FAM78B: variants seen among roughly 807,000 people sequenced by gnomAD.
The protein encoded by FAM78B is family with sequence similarity 78 member B.
Under a neutral mutation model 20.0 loss-of-function variants are expected in FAM78B, and 10 were observed. The observed-to-expected ratio is 0.50, with a 90% CI of 0.31 to 0.85. The LOEUF is 0.85. Ranked by LOEUF, FAM78B falls within the 40% of genes least tolerant of loss-of-function variation. The pLI is 0.05. For synonymous variants in FAM78B, 135 were observed against 132.8 expected (o/e 1.02, Z -0.12); for missense variants, 283 against 345.0 (o/e 0.82, Z 1.42).
intron 1 of FAM78B, among the ~76,000 whole-genome samples, chr1:166,161,507 GGCT>G (rs1398629185): frequency 6.6e-6 from 1 of 152,188 alleles, no homozygotes; most frequent in Non-Finnish European, 1.5e-5. Context: ...ACATCACTCT[GGCT>G]GCTATGTGGG....
rs539536132 is a variant in FAM78B at position 166,151,497 on chromosome 1, A to C, written c.263+14489T>G. Reference sequence around the variant, plus strand: ...CTCTCCCTCTTAGAATAAAGCCCTAAACATTCCTGGGTTCTGATCCAGAAG... The same window carrying C: ...CTCTCCCTCTTAGAATAAAGCCCTACACATTCCTGGGTTCTGATCCAGAAG... On this transcript the variant is annotated intron_variant, in intron 1 of 1. Transcript: ENST00000354422. Among the ~76,000 whole-genome samples the C allele has an allele frequency of 4.1e-4, 62 of 152,294 alleles. No homozygotes were observed. In the South Asian group the frequency reaches 4.6e-3, roughly 11 times the overall value.
intron 1 of FAM78B, among the ~76,000 whole-genome samples, chr1:166,162,572 T>C (rs1656188655): frequency 6.6e-6 from 1 of 152,208 alleles, no homozygotes; most frequent in Non-Finnish European, 1.5e-5. Context: ...CTCTTCAGCG[T>C]TGTACTCCAG....
intron 1 of FAM78B, among the ~76,000 whole-genome samples, chr1:166,109,842 A>ATG (rs1358989273): frequency 0.043 from 1,122 of 25,806 alleles, 212 homozygotes; most frequent in African/African-American, 0.088. Flanking sequence ...GTATATATGT[A>ATG]TATATATATA....
chr1:166,101,875 C>T (rs889264136), intron 1 of FAM78B, among the ~76,000 whole-genome samples: 9 of 152,004 alleles, frequency 5.9e-5, no homozygotes, highest in Admixed American at 6.6e-5. Flanking sequence ...AAAGATACTC[C>T]TCGAGAAGAG....
chr1:166,147,540 C>T (rs908683660), intron 1 of FAM78B, among the ~76,000 whole-genome samples: 8 of 152,178 alleles, frequency 5.3e-5, no homozygotes, highest in Non-Finnish European at 1.0e-4. Flanking sequence ...ACTGCGTTCC[C>T]CGTGCTCAGA....
At chr1:166,107,744 A>T (rs1653844349) in intron 1 of FAM78B, among the ~76,000 whole-genome samples, 1 of 152,220 alleles carries the variant, frequency 6.6e-6, no homozygotes, top group South Asian at 2.1e-4. Flanking sequence ...AAAATCCTCA[A>T]CAAAATACTT....
At chr1:166,131,971 G>T (rs1028254238) in intron 1 of FAM78B, among the ~76,000 whole-genome samples, 6 of 152,162 alleles carry the variant, frequency 3.9e-5, no homozygotes, top group African/African-American at 1.4e-4. Context: ...GAAAGCTGTT[G>T]ACTTCAGTTG....
chr1:166,105,987 A>G (rs1307542342), intron 1 of FAM78B, among the ~76,000 whole-genome samples: 3 of 152,134 alleles, frequency 2.0e-5, no homozygotes, highest in Non-Finnish European at 2.9e-5. Flanking sequence ...CTGGATTAAC[A>G]AAATGTGGCA....
intron 1 of FAM78B, among the ~76,000 whole-genome samples, chr1:166,160,042 G>A (rs757664774): frequency 2.6e-5 from 4 of 152,198 alleles, no homozygotes; most frequent in African/African-American, 7.2e-5. Context: ...TTTCCAGACC[G>A]TGAGCCTCCT....
intron 1 of FAM78B, among the ~76,000 whole-genome samples, chr1:166,123,351 G>A (rs1654529537): frequency 6.6e-6 from 1 of 152,224 alleles, no homozygotes; most frequent in South Asian, 2.1e-4. Context: ...TCCCATAACG[G>A]TGTTTCTCAG....
intron 1 of FAM78B, among the ~76,000 whole-genome samples, chr1:166,160,040 C>G (rs950209854): frequency 1.3e-5 from 2 of 152,208 alleles, no homozygotes; most frequent in African/African-American, 2.4e-5. Flanking sequence ...TATTTCCAGA[C>G]CGTGAGCCTC....
rs1469856162 is a variant in FAM78B at position 166,109,838 on chromosome 1, A to ATATATATATG, written c.264-39076_264-39075insCATATATATA. Among the ~76,000 whole-genome samples, 5 of 21,186 alleles carry ATATATATATG rather than the reference A, an allele frequency of 2.4e-4. 1 individual carries two copies. Among genetic ancestry groups the ATATATATATG allele is most frequent in the Non-Finnish European group, 4.6e-4 (5 of 10,866 alleles). 13.9% of individuals were successfully genotyped at this position (21,186 alleles called of 152,430 possible). A position where few individuals can be genotyped will look rare whatever the true frequency, so the allele number is the denominator to read the frequency against. Reference sequence around the variant, plus strand: ...TGTATATATATATATATATGTATATATGTATATATATATATATATATATGT... The same window carrying ATATATATATG: ...TGTATATATATATATATATGTATATATATATATATGTGTATATATATATATATATATATGT... On this transcript the variant is annotated intron_variant, in intron 1 of 1. Transcript: ENST00000354422.
chr1:166,095,411 G>A (rs1023491227), intron 1 of FAM78B, among the ~76,000 whole-genome samples: 3 of 152,216 alleles, frequency 2.0e-5, no homozygotes, highest in South Asian at 2.1e-4. Context: ...AGTACAGCCA[G>A]TGGGCCAGGA....
chr1:166,138,166 C>T (rs1033906255), intron 1 of FAM78B, among the ~76,000 whole-genome samples: 1 of 152,138 alleles, frequency 6.6e-6, no homozygotes, highest in African/African-American at 2.4e-5. Flanking sequence ...GGGACGGAGG[C>T]TGGGTTTCTG....
chr1:166,142,130 C>A (rs534888306), intron 1 of FAM78B, among the ~76,000 whole-genome samples: 1 of 152,176 alleles, frequency 6.6e-6, no homozygotes, highest in African/African-American at 2.4e-5. Flanking sequence ...ATGGAAGGGA[C>A]AGCTGCCTTG....
At chr1:166,096,871 G>C (rs10800185) in intron 1 of FAM78B, among the ~76,000 whole-genome samples, 1 of 152,028 alleles carries the variant, frequency 6.6e-6, no homozygotes, top group African/African-American at 2.4e-5. Context: ...GTGGATGGCA[G>C]GCAAGACTAG....
At chr1:166,141,610 G>T (rs1655279211) in intron 1 of FAM78B, among the ~76,000 whole-genome samples, 1 of 152,206 alleles carries the variant, frequency 6.6e-6, no homozygotes, top group African/African-American at 2.4e-5. Context: ...GCTCTGCAAA[G>T]GAGGCATGTT....
intron 1 of FAM78B, among the ~76,000 whole-genome samples, chr1:166,079,912 C>T (rs1323505756): frequency 6.6e-6 from 1 of 152,294 alleles, no homozygotes; most frequent in East Asian, 1.9e-4. Flanking sequence ...CAGTTCCAAC[C>T]TGGAATGTTT....
chr1:166,067,480 G>A (rs151286461), downstream of FAM78B, among the ~76,000 whole-genome samples: 2 of 152,208 alleles, frequency 1.3e-5, no homozygotes, highest in Admixed American at 6.5e-5. Flanking sequence ...TTAAACTGAT[G>A]GCATCTGGCG....
Sources: allele counts gnomAD v4.1 joint callset (sites outside exome capture counted in the v4.1 genomes callset), GRCh38; gene constraint gnomAD v4.1.1; transcripts MANE v1.5; gene names NCBI Gene and HGNC (gene_info 2026-07-23, HGNC 2026-07-21).